The following GPC5 variants were observed in gnomAD, a reference collection of about 807,000 sequenced individuals.
GPC5 encodes the protein glypican-5.
Under a neutral mutation model 53.9 loss-of-function variants are expected in GPC5, and 47 were observed. The observed-to-expected ratio is 0.87, with a 90% CI of 0.69 to 1.11. The LOEUF (loss-of-function observed/expected upper bound fraction) is 1.11. Among genes scored for constraint, GPC5 ranks in the 50% most tolerant of loss-of-function variants. The pLI, the probability that GPC5 is intolerant of heterozygous loss-of-function variation, is 0.00. For missense variants in GPC5, 748 were observed against 713.1 expected (o/e 1.05, Z -0.56); for synonymous variants, 286 against 263.3 (o/e 1.09, Z -0.84).
At chr13:92,337,700 T>C (rs1434245825) in intron 7 of GPC5, among the ~76,000 whole-genome samples, 3 of 152,142 alleles carry the variant, frequency 2.0e-5, no homozygotes, top group African/African-American at 4.8e-5. Flanking sequence ...GGAAATGCGA[T>C]GGTGCAAAAT....
At chr13:91,504,837 C>T (rs1884856201) in intron 2 of GPC5, among the ~76,000 whole-genome samples, 1 of 152,012 alleles carries the variant, frequency 6.6e-6, no homozygotes, top group African/African-American at 2.4e-5. Flanking sequence ...ACCTGTAGTC[C>T]CAACTACTTG....
chr13:91,669,095 T>C (rs2035184721), intron 2 of GPC5, among the ~76,000 whole-genome samples: 1 of 152,202 alleles, frequency 6.6e-6, no homozygotes, highest in African/African-American at 2.4e-5. Flanking sequence ...CAGCTGTGCA[T>C]GGAATGCAGA....
chr13:92,347,695 A>T (rs952386156), intron 7 of GPC5, among the ~76,000 whole-genome samples: 21 of 147,858 alleles, frequency 1.4e-4, no homozygotes, highest in South Asian at 4.3e-4. Flanking sequence ...ATTAAAAGGC[A>T]AAACTATTAA....
chr13:92,738,375 T>C (rs939881861), intron 7 of GPC5, among the ~76,000 whole-genome samples: 1 of 152,082 alleles, frequency 6.6e-6, no homozygotes, highest in African/African-American at 2.4e-5. Flanking sequence ...TGCCCCTTCC[T>C]GTAGCTATTT....
chr13:92,357,152 G>A (rs1296544932), intron 7 of GPC5, among the ~76,000 whole-genome samples: 2 of 151,706 alleles, frequency 1.3e-5, no homozygotes, highest in Non-Finnish European at 2.9e-5. Flanking sequence ...TGTCTTCGCT[G>A]TGTTAATAGT....
At chr13:91,474,888 C>G (rs1882843899) in intron 2 of GPC5, among the ~76,000 whole-genome samples, 1 of 152,022 alleles carries the variant, frequency 6.6e-6, no homozygotes. Context: ...CTATGGGTGA[C>G]ACTACTATTA....
chr13:91,587,111 T>C lies in GPC5; in HGVS notation c.326-106076T>C, dbSNP rs933521725. ...TAATGTCTAGTTATTGGTAACTCCA[T>C]TGTTTTGCAAACAACTCAAACTTCT... On this transcript the variant is annotated intron_variant, in intron 2 of 7. Transcript: ENST00000377067. Among the ~76,000 whole-genome samples, 4 of 152,260 alleles carry C rather than the reference T, an allele frequency of 2.6e-5. No homozygotes were observed. In the South Asian group the frequency reaches 6.2e-4, roughly 24 times the overall value.
At chr13:92,153,670 T>C (rs562985197) in intron 7 of GPC5, among the ~76,000 whole-genome samples, 1 of 152,296 alleles carries the variant, frequency 6.6e-6, no homozygotes, top group South Asian at 2.1e-4. Flanking sequence ...TATGTACAGC[T>C]CTACTAGGTA....
intron 7 of GPC5, among the ~76,000 whole-genome samples, chr13:92,412,688 A>G (rs1440462538): frequency 6.6e-6 from 1 of 152,220 alleles, no homozygotes; most frequent in Non-Finnish European, 1.5e-5. Context: ...GAGACAGACC[A>G]TATGGTCCTT....
intron 5 of GPC5, among the ~76,000 whole-genome samples, chr13:91,871,696 T>G (rs1004207338): frequency 1.9e-4 from 26 of 135,088 alleles, no homozygotes; most frequent in Non-Finnish European, 2.1e-4. Context: ...TCAAATTAAG[T>G]TTTTTTTTTT....
intron 7 of GPC5, among the ~76,000 whole-genome samples, chr13:92,544,636 C>T (rs1882040992): frequency 6.6e-6 from 1 of 152,018 alleles, no homozygotes; most frequent in Non-Finnish European, 1.5e-5. Flanking sequence ...TGGCTCTTCC[C>T]TCGTTTTGGG....
At chr13:92,000,093 G>T (rs1369092806) in intron 6 of GPC5, among the ~76,000 whole-genome samples, 2 of 152,088 alleles carry the variant, frequency 1.3e-5, no homozygotes, top group Non-Finnish European at 2.9e-5. Context: ...AATAAAAATT[G>T]TAAAGGTAAT....
At chr13:92,410,158 A>G (rs564410929) in intron 7 of GPC5, among the ~76,000 whole-genome samples, 39 of 152,286 alleles carry the variant, frequency 2.6e-4, no homozygotes, top group African/African-American at 8.9e-4. Context: ...GCACTAGTGG[A>G]TAAAAGGTAC....
chr13:92,524,397 G>A (rs1594274978), intron 7 of GPC5, among the ~76,000 whole-genome samples: 1 of 152,100 alleles, frequency 6.6e-6, no homozygotes, highest in South Asian at 2.1e-4. Flanking sequence ...CATTGTATAG[G>A]GAGTAATGGT....
At position 92,781,177 on chromosome 13, in the gene GPC5, A is replaced by G. The variant is rs1048731980; in HGVS notation, c.1562-85105A>G. ...ATTACAGTTGTTGAATTATGTAAAC[A>G]TAACAAACATTAGGAAATTTAAATA... On this transcript the variant is annotated intron_variant, in intron 7 of 7. Coordinates refer to ENST00000377067, the MANE Select transcript of GPC5 (RefSeq NM_004466.6). Among the ~76,000 whole-genome samples, 4 of 152,260 alleles carry G rather than the reference A, an allele frequency of 2.6e-5. No individual in the cohort carries two copies. The South Asian group carries it at 8.3e-4, about 32-fold the overall frequency.
chr13:92,852,481 A>T (rs966231615), intron 7 of GPC5, among the ~76,000 whole-genome samples: 3 of 152,200 alleles, frequency 2.0e-5, no homozygotes, highest in African/African-American at 7.2e-5. Context: ...TAATTCCTGC[A>T]CCCTGAGTTT....
chr13:91,636,744 C>T (rs1195137327), intron 2 of GPC5, among the ~76,000 whole-genome samples: 5 of 151,836 alleles, frequency 3.3e-5, no homozygotes, highest in African/African-American at 1.2e-4. Flanking sequence ...TGCTTGAGGC[C>T]AGCAGTTGGA....
At chr13:92,505,874 C>A (rs2138942507) in intron 7 of GPC5, among the ~76,000 whole-genome samples, 1 of 152,144 alleles carries the variant, frequency 6.6e-6, no homozygotes, top group Non-Finnish European at 1.5e-5. Flanking sequence ...GTTACAGCCT[C>A]CATGTTTCCA....
intron 6 of GPC5, among the ~76,000 whole-genome samples, chr13:92,127,329 GTATA>G (rs148856447): frequency 6.7e-6 from 1 of 149,646 alleles, no homozygotes; most frequent in Admixed American, 6.7e-5. Flanking sequence ...ATGTGTATGT[GTATA>G]TATATATATC....
Sources: allele counts gnomAD v4.1 joint callset (sites outside exome capture counted in the v4.1 genomes callset), GRCh38; gene constraint gnomAD v4.1.1; transcripts MANE v1.5; gene names NCBI Gene and HGNC (gene_info 2026-07-23, HGNC 2026-07-21).